CD163: variants seen among roughly 807,000 people sequenced by gnomAD.
The protein encoded by CD163 is scavenger receptor cysteine-rich type 1 protein M130.
A neutral mutation model predicts 129.2 loss-of-function variants in CD163; 64 were observed. The observed-to-expected ratio is 0.50, with a 90% CI of 0.41 to 0.61. The LOEUF is 0.61. Ranked by LOEUF, CD163 falls within the 20% of genes least tolerant of loss-of-function variation. The probability of loss-of-function intolerance (pLI) is 0.00; values close to 1 mark genes in which losing one functional copy is unlikely to be tolerated. For synonymous variants in CD163, 446 were observed against 478.5 expected, an observed-to-expected ratio of 0.93 and a Z score of 0.89; for missense variants, 1,061 against 1,377.9, an observed-to-expected ratio of 0.77 and a Z score of 3.64.
rs748589946 is a variant in CD163 at position 7,497,009 on chromosome 12, A to T, written c.903T>A (p.Ala301=). Residue 301 remains alanine (A), a synonymous_variant, in exon 5 of 17, where the codon GCT becomes GCA. Coordinates refer to ENST00000432237, the MANE Select transcript of CD163 (RefSeq NM_203416.4). ...GACATCCCAGTTGCTTGCATGCCAC[A>T]GCAGCATCGTAACTGTCCCAGCCGT... is the stretch of plus-strand genomic sequence containing the variant. The part of the protein sequence containing the change: ...CDDGWDSYDA[A]VACKQLGCPT... 6.2e-7 allele frequency: 1 copy of T among 1,614,118 alleles called. No individual in the cohort carries two copies. Among genetic ancestry groups the T allele is most frequent in the African/African-American group, 1.3e-5 (1 of 75,052 alleles).
intron 3 of CD163, among the ~76,000 whole-genome samples, chr12:7,500,421 CAAAAAAA>C (rs71953455): frequency 9.4e-5 from 6 of 64,104 alleles, no homozygotes; most frequent in African/African-American, 1.5e-4. Context: ...CAATTCGTCC[CAAAAAAA>C]AAAAAAAAAA....
At chr12:7,501,095 C>T (rs780462328) in intron 3 of CD163, 44 bp downstream of exon 3, 1 of 1,555,748 alleles carries the variant, frequency 6.4e-7, no homozygotes, top group Non-Finnish European at 8.8e-7. Context: ...ATTTTTTTCC[C>T]ACCAAGGATT....
intron 11 of CD163, 166 bp from the exon 12 acceptor site, chr12:7,483,841 A>ATATTTTT (rs1442991429): frequency 1.8e-5 from 2 of 110,030 alleles, no homozygotes; most frequent in African/African-American, 7.6e-5. Flanking sequence ...ATATATATAT[A>ATATTTTT]TTTTTTTTTT....
intron 6 of CD163, among the ~76,000 whole-genome samples, chr12:7,488,422 C>T (rs1347969429): frequency 6.6e-6 from 1 of 152,188 alleles, no homozygotes; most frequent in Non-Finnish European, 1.5e-5. Context: ...TCTACTATCG[C>T]TATCTCTTAG....
In CD163 at chr12:7,485,447, C is replaced by T. The variant is rs1338028491; in HGVS notation, c.2459-31G>A. The T allele has an allele frequency of 1.3e-6, 2 of 1,570,630 alleles. No individual in the cohort carries two copies. Among genetic ancestry groups the T allele is most frequent in the Non-Finnish European group, 1.7e-6 (2 of 1,147,330 alleles). On this transcript the variant is annotated intron_variant, in intron 10 of 16. Coordinates refer to ENST00000432237, the MANE Select transcript of CD163 (RefSeq NM_203416.4). This position sits in a 1 kb window ranked among gnomAD's most constrained non-coding sequence, Gnocchi z 4.5. ...GCGAAACATAGAATTAGTAGTTTTG[C>T]ATCTTTTCTGAAGATTCAGAGACTC...
At chr12:7,494,809 G>A (rs1001880526) in intron 6 of CD163, among the ~76,000 whole-genome samples, 2 of 152,106 alleles carry the variant, frequency 1.3e-5, no homozygotes, top group African/African-American at 4.8e-5. Flanking sequence ...AAGAAATATT[G>A]AATTCTATTT....
chr12:7,486,568 GCCAAATGCGGGATTCTTTT>G lies in CD163; in HGVS notation c.2370_2388del (p.Lys791SerfsTer28). The G allele has an allele frequency of 6.2e-7, 1 of 1,614,220 alleles. No individual in the cohort carries two copies. The highest frequency in any genetic ancestry group is 8.5e-7 in the Non-Finnish European group (1 of 1,180,030). ...TGCCCCCAGCCGTGTGAATGGCACT[GCCAAATGCGGGATTCTTTT>G]CCATTGCATTTCATCTCATCCAGCC... On this transcript the variant is annotated frameshift_variant, in exon 10 of 17. Coordinates refer to ENST00000432237, the MANE Select transcript of CD163 (RefSeq NM_203416.4). LOFTEE classifies it high-confidence loss of function.
At chr12:7,497,680 G>A (rs957227975) in intron 4 of CD163, among the ~76,000 whole-genome samples, 2 of 152,282 alleles carry the variant, frequency 1.3e-5, no homozygotes, top group Non-Finnish European at 1.5e-5. Context: ...AAGAACAGAC[G>A]TTGATTCTGA....
Position 7,485,677 on chromosome 12 carries a change from G to A in CD163, c.2459-261C>T, listed in dbSNP as rs1033804739. Among the ~76,000 whole-genome samples the A allele has an allele frequency of 1.7e-4, 26 of 151,930 alleles. No homozygotes were observed. The highest frequency in any genetic ancestry group is 6.0e-4 in the African/African-American group (25 of 41,356). Reference sequence around the variant, plus strand: ...TAGATTACCCTCAATCATTCTAATAGGCTTTTTTCAGTTACATAGTTTGGA... The same window carrying A: ...TAGATTACCCTCAATCATTCTAATAAGCTTTTTTCAGTTACATAGTTTGGA... On this transcript the variant is annotated intron_variant, in intron 10 of 16. Transcript: ENST00000432237. The surrounding 1 kb of genome is among the most constrained non-coding windows in gnomAD (Gnocchi z 4.5).
chr12:7,488,189 G>C, intron 6 of CD163, 102 bp from the exon 7 acceptor site: 1 of 1,231,430 alleles, frequency 8.1e-7, no homozygotes, highest in Non-Finnish European at 1.1e-6. Flanking sequence ...TGGAGACCAG[G>C]GTGCTCAGTG....
rs376416740 is a variant in CD163, at chr12:7,499,063, C to T, written c.583G>A (p.Val195Ile). 1.2e-6 allele frequency: 2 copies of T among 1,614,062 alleles called. No individual in the cohort carries two copies. The highest frequency in any genetic ancestry group is 1.7e-6 in the Non-Finnish European group (2 of 1,180,014). Reference protein sequence around the residue: ...DDNFNIDHASVICRQLECGSA... With the variant: ...DDNFNIDHASIICRQLECGSA... The stretch of plus-strand genomic sequence containing the variant: ...CCACATTCAAGTTGTCTACAAATGA[C>T]AGATGCATGATCTATGTTGAAGTTA... The change falls in exon 4 of 17, where the codon GTC becomes ATC. Residue 195 changes from valine (V) to isoleucine (I), a missense_variant. Transcript: ENST00000432237.
In CD163 at chr12:7,482,689, T is replaced by C. The variant is rs749599673; in HGVS notation, c.3201A>G (p.Ala1067=). Residue 1067 remains alanine (A), a synonymous_variant, in exon 14 of 17, where the codon GCA becomes GCG. Transcript: ENST00000432237. ...TTCGCTTTTTAGTCAAGAAGAATAA[T>C]GCGACGAAAATGGCCAACAGAACAA... The part of the protein sequence containing the change: ...LGVVLLAIFV[A]LFFLTKKRRQ... 36 of 1,614,012 alleles carry C rather than the reference T, an allele frequency of 2.2e-5. No individual in the cohort carries two copies. In the Admixed American group the frequency reaches 6.0e-4, roughly 27 times the overall value.
At chr12:7,480,162 A>G (rs1949143166) in intron 15 of CD163, 2 of 585,128 alleles carry the variant, frequency 3.4e-6, no homozygotes, top group Admixed American at 6.7e-5. Flanking sequence ...TTCCTGACAC[A>G]GTAACAGTAC....
At chr12:7,483,841 A>ATATATATATATATATATATATATT (rs1442991429) in intron 11 of CD163, 166 bp from the exon 12 acceptor site, 1 of 110,030 alleles carries the variant, frequency 9.1e-6, no homozygotes, top group African/African-American at 3.8e-5. Flanking sequence ...ATATATATAT[A>ATATATATATATATATATATATATT]TTTTTTTTTT....
At chr12:7,493,354 G>A (rs1238141507) in intron 6 of CD163, among the ~76,000 whole-genome samples, 2 of 152,162 alleles carry the variant, frequency 1.3e-5, no homozygotes, top group Admixed American at 1.3e-4. Flanking sequence ...TCGTCTACCA[G>A]ATTGGCTTTC....
chr12:7,476,044 C>T (rs962338618), intron 16 of CD163, among the ~76,000 whole-genome samples: 3 of 152,034 alleles, frequency 2.0e-5, no homozygotes, highest in Non-Finnish European at 4.4e-5. Flanking sequence ...TGTGAAGGAC[C>T]TCTTAAAGGA....
At chr12:7,482,909 A>C (rs368093638) in intron 13 of CD163, 57 bp downstream of exon 13, 1 of 1,596,474 alleles carries the variant, frequency 6.3e-7, no homozygotes, top group African/African-American at 1.4e-5. Context: ...TTTCTAAACA[A>C]GAAAAATTCT....
At chr12:7,498,787 A>T in intron 4 of CD163, 81 bp downstream of exon 4, 1 of 1,312,156 alleles carries the variant, frequency 7.6e-7, no homozygotes, top group Non-Finnish European at 1.1e-6. Context: ...TTATGTTCTT[A>T]AGAGTTCAGG....
chr12:7,486,760 C>G lies in CD163; in HGVS notation c.2197G>C (p.Glu733Gln). The G allele has an allele frequency of 6.2e-7, 1 of 1,614,030 alleles. No individual in the cohort carries two copies. Among genetic ancestry groups the G allele is most frequent in the Non-Finnish European group, 8.5e-7 (1 of 1,179,886 alleles). Residue 733 changes from glutamate to glutamine, a missense_variant, in exon 10 of 17, where the codon GAG becomes CAG. Coordinates refer to ENST00000432237, the MANE Select transcript of CD163 (RefSeq NM_203416.4). ...NGGGRCAGRV[E>Q]IYHEGSWGTI... is the part of the protein sequence containing the mutation. ...CCCCAGGAGCCCTCATGATAGATCTCTACTCTCCCAGCACAGCGACCTCCT... is the reference window on the plus strand; with the variant it reads ...CCCCAGGAGCCCTCATGATAGATCTGTACTCTCCCAGCACAGCGACCTCCT...
Sources: allele counts gnomAD v4.1 joint callset (sites outside exome capture counted in the v4.1 genomes callset), GRCh38; gene constraint gnomAD v4.1.1; non-coding constraint Gnocchi (gnomAD v3.1); transcripts MANE v1.5; gene names NCBI Gene and HGNC (gene_info 2026-07-23, HGNC 2026-07-21).